The following LRRC4C variants were observed in gnomAD, a reference collection of about 807,000 sequenced individuals.
The protein encoded by LRRC4C is leucine-rich repeat-containing protein 4C.
A neutral mutation model predicts 33.6 loss-of-function variants in LRRC4C; 5 were observed. The observed-to-expected ratio is 0.15, with a 90% confidence interval of 0.08 to 0.31. LRRC4C has a LOEUF of 0.31. Ranked by LOEUF, LRRC4C falls within the 10% of genes least tolerant of loss-of-function variation. The pLI is 1.00. For missense variants in LRRC4C, 560 were observed against 796.7 expected (o/e 0.70, Z 3.58); for synonymous variants, 329 against 302.0 (o/e 1.09, Z -0.93).
At chr11:40,566,985 T>A (rs1957792111) in intron 3 of LRRC4C, among the ~76,000 whole-genome samples, 1 of 152,150 alleles carries the variant, frequency 6.6e-6, no homozygotes. Context: ...TTAGTACTTA[T>A]TATAGTTCTT....
chr11:40,359,071 G>GA (rs948246065), intron 3 of LRRC4C, among the ~76,000 whole-genome samples: 11 of 151,836 alleles, frequency 7.2e-5, no homozygotes, highest in African/African-American at 2.2e-4. Flanking sequence ...ATTGTTTAGG[G>GA]AAAAAAAAGG....
chr11:40,720,147 C>G (rs921952455), intron 2 of LRRC4C, among the ~76,000 whole-genome samples: 2 of 152,066 alleles, frequency 1.3e-5, no homozygotes, highest in Non-Finnish European at 2.9e-5. Flanking sequence ...GTCTTTAATC[C>G]TATTTTCTCA....
intron 1 of LRRC4C, among the ~76,000 whole-genome samples, chr11:41,407,299 T>TC (rs1250986572): frequency 1.3e-5 from 2 of 151,222 alleles, no homozygotes; most frequent in Non-Finnish European, 2.9e-5. Flanking sequence ...ATTGAATTTT[T>TC]CCTTTTTTTT....
chr11:40,552,664 G>T (rs1440586379), intron 3 of LRRC4C, among the ~76,000 whole-genome samples: 3 of 152,066 alleles, frequency 2.0e-5, no homozygotes, highest in African/African-American at 7.2e-5. Context: ...TATCCTGCTT[G>T]GTAAAAGGTG....
intron 2 of LRRC4C, among the ~76,000 whole-genome samples, chr11:40,872,878 A>G (rs1954717551): frequency 6.6e-6 from 1 of 152,190 alleles, no homozygotes; most frequent in African/African-American, 2.4e-5. Flanking sequence ...ACATTTTTTA[A>G]TTGATGTTAT....
intron 1 of LRRC4C, among the ~76,000 whole-genome samples, chr11:41,437,581 AC>A (rs1212619812): frequency 6.6e-6 from 1 of 151,826 alleles, no homozygotes; most frequent in Admixed American, 6.6e-5. Flanking sequence ...GATTTTTCTA[AC>A]CCTTGTTTTC....
At chr11:40,709,122 G>A (rs933655156) in intron 2 of LRRC4C, among the ~76,000 whole-genome samples, 2 of 152,084 alleles carry the variant, frequency 1.3e-5, no homozygotes, top group South Asian at 2.1e-4. Flanking sequence ...TGGGTCTCCT[G>A]AATACAGCAC....
At chr11:41,085,681 A>G (rs1050269782) in intron 1 of LRRC4C, among the ~76,000 whole-genome samples, 3 of 152,138 alleles carry the variant, frequency 2.0e-5, no homozygotes, top group African/African-American at 7.2e-5. Context: ...AAATGTTTCT[A>G]AGAAAGCAAG....
chr11:40,952,189 C>G (rs1303783662), intron 1 of LRRC4C, among the ~76,000 whole-genome samples: 1 of 151,790 alleles, frequency 6.6e-6, no homozygotes, highest in Admixed American at 6.6e-5. Context: ...AAGTAATTTG[C>G]ATATACATGA....
chr11:41,386,656 C>T (rs1273144260), intron 1 of LRRC4C, among the ~76,000 whole-genome samples: 1 of 151,740 alleles, frequency 6.6e-6, no homozygotes, highest in East Asian at 1.9e-4. Context: ...TAATCTTCTA[C>T]ATTTCTGTAG....
intron 1 of LRRC4C, among the ~76,000 whole-genome samples, chr11:41,081,779 T>C (rs1321314262): frequency 6.6e-6 from 1 of 152,142 alleles, no homozygotes; most frequent in Non-Finnish European, 1.5e-5. Flanking sequence ...AGGCTAATAA[T>C]TTAATATTAT....
chr11:41,445,865 C>CGTGT (rs748457357), intron 1 of LRRC4C, among the ~76,000 whole-genome samples: 14 of 135,450 alleles, frequency 1.0e-4, no homozygotes, highest in Non-Finnish European at 1.6e-4. Flanking sequence ...TGAGTGACTG[C>CGTGT]ATGTGTGTGT....
chr11:40,938,751 C>T (rs891443160), intron 1 of LRRC4C, among the ~76,000 whole-genome samples: 2 of 152,074 alleles, frequency 1.3e-5, no homozygotes, highest in Non-Finnish European at 2.9e-5. Flanking sequence ...CTCAAGTTCC[C>T]ACAACTCCCT....
chr11:41,002,540 C>T (rs185521688), intron 1 of LRRC4C, among the ~76,000 whole-genome samples: 3 of 152,146 alleles, frequency 2.0e-5, no homozygotes, highest in Non-Finnish European at 4.4e-5. Flanking sequence ...CCAACTTTAT[C>T]AAGAGCTTCT....
At chr11:40,404,829 T>C (rs138557338) in intron 3 of LRRC4C, among the ~76,000 whole-genome samples, 11 of 152,110 alleles carry the variant, frequency 7.2e-5, no homozygotes, top group Non-Finnish European at 1.3e-4. Context: ...AAAACAAATG[T>C]TATCATGTAT....
At chr11:40,764,755 G>A (rs1042939508) in intron 2 of LRRC4C, among the ~76,000 whole-genome samples, 2 of 152,100 alleles carry the variant, frequency 1.3e-5, no homozygotes, top group Non-Finnish European at 2.9e-5. Context: ...CCATTTTTAG[G>A]GGGGGAACAT....
In LRRC4C at chr11:41,398,044, G is replaced by A. The variant is rs984509078; in HGVS notation, c.-496+61387C>T. On this transcript the variant is annotated intron_variant, in intron 1 of 6. Coordinates refer to ENST00000528697, the MANE Select transcript of LRRC4C (RefSeq NM_001258419.2). ...ACTTCATAACCATATTACGTTTAAT[G>A]GGGATGCACTTGTGACACTTGGAGC... is the stretch of plus-strand genomic sequence containing the variant. 3.3e-5 allele frequency among the ~76,000 whole-genome samples: 5 copies of A among 151,846 alleles called. 1 individual carries two copies. Among genetic ancestry groups the A allele is most frequent in the Admixed American group, 3.3e-4 (5 of 15,214 alleles).
chr11:40,608,359 C>T (rs1960851616), intron 3 of LRRC4C, among the ~76,000 whole-genome samples: 1 of 151,216 alleles, frequency 6.6e-6, no homozygotes, highest in African/African-American at 2.4e-5. Context: ...CCTATAATAA[C>T]CAAAAAGAAA....
At chr11:40,295,901 T>C (rs1024420841) in intron 4 of LRRC4C, among the ~76,000 whole-genome samples, 3 of 152,262 alleles carry the variant, frequency 2.0e-5, no homozygotes, top group African/African-American at 7.2e-5. Flanking sequence ...ATGCTAATTA[T>C]AGTTTATCCA....
Sources: allele counts gnomAD v4.1 joint callset (sites outside exome capture counted in the v4.1 genomes callset), GRCh38; gene constraint gnomAD v4.1.1; transcripts MANE v1.5; gene names NCBI Gene and HGNC (gene_info 2026-07-23, HGNC 2026-07-21).